The following PTPRE variants were observed in gnomAD, a reference collection of about 807,000 sequenced individuals.
PTPRE encodes protein tyrosine phosphatase receptor type E, also known as receptor-type tyrosine-protein phosphatase epsilon.
A neutral mutation model predicts 102.0 loss-of-function variants in PTPRE; 51 were observed. The observed-to-expected ratio is 0.50, with a 90% CI of 0.40 to 0.63. The LOEUF (loss-of-function observed/expected upper bound fraction) is 0.63. Among genes scored for constraint, PTPRE ranks in the 30% least tolerant of loss-of-function variants. PTPRE has a pLI of 0.00. For missense variants in PTPRE, 752 were observed against 915.1 expected (o/e 0.82, Z 2.30); for synonymous variants, 345 against 348.2 (o/e 0.99, Z 0.10).
At chr10:128,037,340 GACTC>G (rs1231147814) in intron 2 of PTPRE, among the ~76,000 whole-genome samples, 1 of 152,170 alleles carries the variant, frequency 6.6e-6, no homozygotes, top group Non-Finnish European at 1.5e-5. Context: ...CGTCCTGAAT[GACTC>G]ACTCACTGCA....
chr10:128,017,600 T>G (rs910059208), intron 2 of PTPRE, among the ~76,000 whole-genome samples: 2 of 151,894 alleles, frequency 1.3e-5, no homozygotes, highest in African/African-American at 4.8e-5. Flanking sequence ...GATGACCTAC[T>G]CTGGGACAAC....
In PTPRE at chr10:128,068,128, C is replaced by G. The variant is rs139565432; in HGVS notation, c.849C>G (p.Leu283=). The G allele has an allele frequency of 2.5e-6, 4 of 1,612,094 alleles. No homozygotes were observed. In the African/African-American group the frequency reaches 5.3e-5, roughly 22 times the overall value. Residue 283 remains leucine (L), a synonymous_variant, in exon 12 of 21, where the codon CTC becomes CTG. Coordinates refer to ENST00000254667, the MANE Select transcript of PTPRE (RefSeq NM_006504.6). ...TIRKFCIQPQ[L]PDGCKAPRLV... is the part of the protein sequence containing the mutation. ...TCTCCCCGCGTCCCCCGCAGCAGCT[C>G]CCCGACGGCTGCAAAGCCCCCAGGC...
intron 1 of PTPRE, among the ~76,000 whole-genome samples, chr10:127,937,865 AT>A (rs1426617714): frequency 5.3e-5 from 8 of 152,186 alleles, no homozygotes; most frequent in African/African-American, 1.4e-4. Context: ...TCTTAAAAAA[AT>A]AAAAGTAAAA....
At chr10:128,064,498 A>C (rs748058622) in intron 10 of PTPRE, among the ~76,000 whole-genome samples, 8 of 152,182 alleles carry the variant, frequency 5.3e-5, no homozygotes, top group Non-Finnish European at 1.2e-4. Context: ...CACGCGAGGG[A>C]AAAGGAGGCT....
chr10:128,027,687 TTCG>T (rs1846384568), intron 2 of PTPRE, among the ~76,000 whole-genome samples: 1 of 152,194 alleles, frequency 6.6e-6, no homozygotes, highest in South Asian at 2.1e-4. Context: ...CACACCAGCA[TTCG>T]TGTTATTTCT....
chr10:128,061,648 A>G, intron 8 of PTPRE, 31 bp from the exon 9 acceptor site: 1 of 1,575,568 alleles, frequency 6.3e-7, no homozygotes, highest in Non-Finnish European at 8.6e-7. Context: ...ATAATTCTGA[A>G]AAAATATAAA....
intron 11 of PTPRE, among the ~76,000 whole-genome samples, chr10:128,067,239 C>CAT (rs1850271688): frequency 6.7e-6 from 1 of 148,348 alleles, no homozygotes; most frequent in Non-Finnish European, 1.5e-5. Flanking sequence ...CATGCACACA[C>CAT]GCACACACAT....
intron 10 of PTPRE, among the ~76,000 whole-genome samples, chr10:128,063,987 G>A (rs1849841338): frequency 1.3e-5 from 2 of 152,240 alleles, no homozygotes; most frequent in Admixed American, 1.3e-4. Flanking sequence ...TGGCATGAAG[G>A]CCCGGTTCAG....
intron 13 of PTPRE, 143 bp downstream of exon 13, chr10:128,069,970 C>T: frequency 7.8e-7 from 1 of 1,277,874 alleles, no homozygotes; most frequent in Non-Finnish European, 1.1e-6. Flanking sequence ...CCATAGCCTT[C>T]CCTGCCCACG....
rs1211006019 is a variant in PTPRE at position 128,010,549 on chromosome 10, T to TTCTTTTCTTC, written c.-8+28262_-8+28263insCTCTTTTCTT. ...CCACAACCGTCAAACCCTGTTCCTT[T>TTCTTTTCTTC]TCTTTTCTTTTCTTTTCTTTTCTTT... On this transcript the variant is annotated intron_variant, in intron 2 of 20. Transcript: ENST00000254667. 7.0e-5 allele frequency among the ~76,000 whole-genome samples: 9 copies of TTCTTTTCTTC among 128,602 alleles called. No homozygotes were observed. In the East Asian group the frequency reaches 2.0e-3, roughly 28 times the overall value. 84.4% of individuals were successfully genotyped at this position (128,602 alleles called of 152,430 possible).
chr10:128,013,054 C>A (rs1035897094), intron 2 of PTPRE, among the ~76,000 whole-genome samples: 1 of 152,250 alleles, frequency 6.6e-6, no homozygotes, highest in Admixed American at 6.5e-5. Context: ...CATGAATTTT[C>A]TATTAAAGAG....
intron 1 of PTPRE, among the ~76,000 whole-genome samples, chr10:127,925,537 G>A (rs974382663): frequency 1.3e-5 from 2 of 152,206 alleles, no homozygotes; most frequent in Non-Finnish European, 2.9e-5. Flanking sequence ...TGGAGAACAA[G>A]GCTCAGAAAA....
intron 2 of PTPRE, among the ~76,000 whole-genome samples, chr10:127,993,636 A>G (rs1589939332): frequency 6.6e-6 from 1 of 152,186 alleles, no homozygotes; most frequent in African/African-American, 2.4e-5. Flanking sequence ...GTATCTTTGC[A>G]TTCTTCACAG....
chr10:127,955,542 C>T (rs949080281), intron 1 of PTPRE, among the ~76,000 whole-genome samples: 10 of 152,154 alleles, frequency 6.6e-5, no homozygotes, highest in African/African-American at 2.4e-4. Context: ...TTTCATTCCT[C>T]TCTTATTCTT....
intron 1 of PTPRE, among the ~76,000 whole-genome samples, chr10:127,911,031 A>G (rs1169635752): frequency 2.6e-5 from 4 of 152,206 alleles, no homozygotes; most frequent in African/African-American, 9.6e-5. Context: ...GCAGTGAGCC[A>G]TGTTCACACA....
intron 20 of PTPRE, among the ~76,000 whole-genome samples, chr10:128,080,839 C>G (rs1467677539): frequency 6.6e-6 from 1 of 152,190 alleles, no homozygotes. Flanking sequence ...GGCTCCAGAG[C>G]AAGTGGTGAA....
intron 2 of PTPRE, among the ~76,000 whole-genome samples, chr10:128,025,400 A>C (rs1367047423): frequency 6.6e-6 from 1 of 152,182 alleles, no homozygotes; most frequent in Non-Finnish European, 1.5e-5. Context: ...CCCCATCTGC[A>C]GATTCCAAGC....
At chr10:127,915,215 A>C (rs368415036) in intron 1 of PTPRE, among the ~76,000 whole-genome samples, 13 of 152,352 alleles carry the variant, frequency 8.5e-5, no homozygotes, top group African/African-American at 3.1e-4. Context: ...ACTTATCAAA[A>C]AAAGAAACTT....
Position 128,034,322 on chromosome 10 carries a change from A to ACCGCCC in PTPRE, c.-7-6551_-7-6550insGCCCCC, listed in dbSNP as rs1215235204. On this transcript the variant is annotated intron_variant, in intron 2 of 20. Coordinates refer to ENST00000254667, the MANE Select transcript of PTPRE (RefSeq NM_006504.6). ...GAGCACCCAAAACCCTCCCCTCCACACCACCCCCCCCACCGACACACACAC... is the reference window on the plus strand; with the variant it reads ...GAGCACCCAAAACCCTCCCCTCCACACCGCCCCCACCCCCCCCACCGACACACACAC... Among the ~76,000 whole-genome samples, 240 of 144,408 alleles carry ACCGCCC rather than the reference A, an allele frequency of 1.7e-3. 2 individuals are homozygous for ACCGCCC. Among genetic ancestry groups the ACCGCCC allele is most frequent in the African/African-American group, 6.0e-3 (227 of 37,642 alleles). The allele number at this position is 144,408 out of a possible 152,430, so 94.7% of individuals were successfully genotyped here. A position where few individuals can be genotyped will look rare whatever the true frequency, so the allele number is the denominator to read the frequency against.
Sources: allele counts gnomAD v4.1 joint callset (sites outside exome capture counted in the v4.1 genomes callset), GRCh38; gene constraint gnomAD v4.1.1; transcripts MANE v1.5; gene names NCBI Gene and HGNC (gene_info 2026-07-23, HGNC 2026-07-21).